Variants in YWHAE observed in about 807,000 individuals in gnomAD.
YWHAE encodes the protein 14-3-3 protein epsilon.
In YWHAE, 4 loss-of-function variants were observed where a neutral mutation model predicts 30.1. That is an observed-to-expected ratio of 0.13 (90% CI 0.07 to 0.30). The LOEUF (loss-of-function observed/expected upper bound fraction) is 0.30, where lower values mean the gene tolerates loss of function less well. Ranked by LOEUF, YWHAE falls within the 10% of genes least tolerant of loss-of-function variation. YWHAE has a pLI of 1.00. For synonymous variants in YWHAE, 118 were observed against 111.8 expected, an observed-to-expected ratio of 1.06 and a Z score of -0.35; for missense variants, 121 against 315.9, an observed-to-expected ratio of 0.38 and a Z score of 4.68.
intron 1 of YWHAE, among the ~76,000 whole-genome samples, chr17:1,368,934 C>T (rs572472691): frequency 7.5e-4 from 114 of 152,248 alleles, no homozygotes; most frequent in Non-Finnish European, 1.4e-3. Flanking sequence ...TTACATATCT[C>T]GAATATCATT....
At chr17:1,384,325 G>A (rs1359232436) in intron 1 of YWHAE, among the ~76,000 whole-genome samples, 6 of 131,100 alleles carry the variant, frequency 4.6e-5, no homozygotes, top group Admixed American at 4.5e-4. Flanking sequence ...GCAGTGAGGT[G>A]TGTCTGCTAC....
At chr17:1,366,942 A>C (rs1439160969) in intron 1 of YWHAE, among the ~76,000 whole-genome samples, 2 of 150,848 alleles carry the variant, frequency 1.3e-5, no homozygotes, top group Non-Finnish European at 3.0e-5. Flanking sequence ...ACTCCGTTTC[A>C]AAAAAAAACA....
At chr17:1,384,136 G>C (rs1415636486) in intron 1 of YWHAE, among the ~76,000 whole-genome samples, 1 of 152,144 alleles carries the variant, frequency 6.6e-6, no homozygotes, top group Non-Finnish European at 1.5e-5. Context: ...CCCAGGAGGC[G>C]AAAGCTGCAG....
rs531065111 is a variant in YWHAE at position 1,387,272 on chromosome 17, G to A, written c.64+12775C>T. ...TGGGAGATTTCTCCTCTCAATTTAC[G>A]AGGATACTCCCTCATAAACACGTTC... On this transcript the variant is annotated intron_variant, in intron 1 of 5. Coordinates refer to ENST00000264335, the MANE Select transcript of YWHAE (RefSeq NM_006761.5). 7.0e-4 allele frequency among the ~76,000 whole-genome samples: 107 copies of A among 152,220 alleles called. 4 individuals carry two copies. The South Asian group carries it at 0.021, about 30-fold the overall frequency.
chr17:1,372,966 G>C (rs1234482813), intron 1 of YWHAE, among the ~76,000 whole-genome samples: 4 of 151,850 alleles, frequency 2.6e-5, no homozygotes, highest in Non-Finnish European at 5.9e-5. Flanking sequence ...ACACAGGCCA[G>C]GCATGGTGGC....
At chr17:1,392,669 GTGAAAC>G (rs1009930179) in intron 1 of YWHAE, among the ~76,000 whole-genome samples, 1 of 151,896 alleles carries the variant, frequency 6.6e-6, no homozygotes, top group African/African-American at 2.4e-5. Context: ...GGCTAATATG[GTGAAAC>G]TCTGTCTCTA....
chr17:1,393,967 A>T (rs1443099247), intron 1 of YWHAE, among the ~76,000 whole-genome samples: 2 of 152,190 alleles, frequency 1.3e-5, no homozygotes, highest in African/African-American at 4.8e-5. Context: ...GATATCAGTC[A>T]TCACAAACAT....
chr17:1,348,223 T>C lies in YWHAE; in HGVS notation c.716-2724A>G, dbSNP rs2072559154. On this transcript the variant is annotated intron_variant, in intron 5 of 5. Transcript: ENST00000264335. ...ATCCTCTTGAAAGACATACAGATAT[T>C]AGGGGAAAAAGGATTCCTTGGCTAT... 2.6e-5 allele frequency among the ~76,000 whole-genome samples: 4 copies of C among 152,168 alleles called. No individual in the cohort carries two copies. In the South Asian group the frequency reaches 8.3e-4, roughly 32 times the overall value.
At chr17:1,350,879 G>A (rs1266128752) in intron 5 of YWHAE, among the ~76,000 whole-genome samples, 2 of 151,492 alleles carry the variant, frequency 1.3e-5, no homozygotes, top group African/African-American at 4.8e-5. Context: ...CCAACATGGT[G>A]AAACCCTGCC....
chr17:1,357,316 T>C (rs548237288), intron 4 of YWHAE, among the ~76,000 whole-genome samples: 6 of 143,270 alleles, frequency 4.2e-5, no homozygotes, highest in Non-Finnish European at 7.5e-5. Flanking sequence ...GGCAGGAGAA[T>C]GGCGTGAACC....
intron 1 of YWHAE, among the ~76,000 whole-genome samples, chr17:1,393,674 G>A (rs1301519941): frequency 1.3e-5 from 2 of 152,140 alleles, no homozygotes; most frequent in Non-Finnish European, 2.9e-5. Flanking sequence ...CAGGTGATCC[G>A]CCCACCTCGG....
At chr17:1,359,013 A>G (rs1447574044) in intron 4 of YWHAE, among the ~76,000 whole-genome samples, 1 of 151,342 alleles carries the variant, frequency 6.6e-6, no homozygotes, top group African/African-American at 2.4e-5. Context: ...GCAGGCGCCT[A>G]TAATCCCAGC....
intron 1 of YWHAE, among the ~76,000 whole-genome samples, chr17:1,375,551 CA>C (rs2073109091): frequency 6.6e-6 from 1 of 152,130 alleles, no homozygotes; most frequent in Non-Finnish European, 1.5e-5. Context: ...AGTTTTGCTA[CA>C]GTAATTTTGA....
chr17:1,370,116 A>C (rs2073008015), intron 1 of YWHAE, among the ~76,000 whole-genome samples: 1 of 146,584 alleles, frequency 6.8e-6, no homozygotes, highest in Non-Finnish European at 1.5e-5. Flanking sequence ...ACCCACAGAA[A>C]AACTTTTTTT....
chr17:1,348,246 T>C (rs2072559449), intron 5 of YWHAE, among the ~76,000 whole-genome samples: 1 of 152,188 alleles, frequency 6.6e-6, no homozygotes, highest in South Asian at 2.1e-4. Flanking sequence ...ATTCCTTGGC[T>C]ATGTTTCTTT....
rs1028174664 is a variant in YWHAE, at chr17:1,389,012, T to G, written c.64+11035A>C. On this transcript the variant is annotated intron_variant, in intron 1 of 5. Transcript: ENST00000264335. ...ACAGGGTCTCACTATGTCACCCAGGTGGGAGTGCAGTGGTCTTATCATGGC... is the reference window on the plus strand; with the variant it reads ...ACAGGGTCTCACTATGTCACCCAGGGGGGAGTGCAGTGGTCTTATCATGGC... 3.3e-5 allele frequency among the ~76,000 whole-genome samples: 5 copies of G among 152,040 alleles called. No homozygotes were observed. The East Asian group carries it at 5.8e-4, about 18-fold the overall frequency.
chr17:1,373,078 T>C (rs1398617005), intron 1 of YWHAE, among the ~76,000 whole-genome samples: 1 of 149,460 alleles, frequency 6.7e-6, no homozygotes. Flanking sequence ...CTGTCTCTAC[T>C]AAAAATACAA....
intron 3 of YWHAE, chr17:1,361,622 CATAAA>C: frequency 2.4e-6 from 1 of 419,672 alleles, no homozygotes; most frequent in Non-Finnish European, 4.2e-6. Context: ...GTTTATTAAT[CATAAA>C]ATAAAATGTC....
chr17:1,393,396 C>G (rs2073418319), intron 1 of YWHAE, among the ~76,000 whole-genome samples: 1 of 151,896 alleles, frequency 6.6e-6, no homozygotes, highest in Non-Finnish European at 1.5e-5. Context: ...TGCATAGCAT[C>G]AGCCATATCC....
Sources: gnomAD v4.1 joint callset for allele counts (sites outside exome capture counted in the v4.1 genomes callset) on GRCh38, gnomAD v4.1.1 for gene constraint, MANE v1.5 for transcripts, NCBI Gene and HGNC (gene_info 2026-07-23, HGNC 2026-07-21) for gene names.